Variants in NUP85 observed in about 807,000 individuals in gnomAD.
NUP85 encodes nucleoporin 85.
A neutral mutation model predicts 92.8 loss-of-function variants in NUP85; 23 were observed. The observed-to-expected ratio is 0.25, with a 90% CI of 0.18 to 0.35. The LOEUF (loss-of-function observed/expected upper bound fraction) is 0.35, where lower values mean the gene tolerates loss of function less well. Ranked by LOEUF, NUP85 falls within the 10% of genes least tolerant of loss-of-function variation. NUP85 has a pLI of 1.00. For missense variants in NUP85, 759 were observed against 822.8 expected, an observed-to-expected ratio of 0.92 and a Z score of 0.95; for synonymous variants, 314 against 306.9, an observed-to-expected ratio of 1.02 and a Z score of -0.24.
rs539994325 is a variant in NUP85, at chr17:75,235,704, G to A, written c.*25G>A. ...AGAACTGCTTCAATGTGGTATCTTT[G>A]TATGGCAATGTATATAGATTTTTTT... On this transcript the variant is annotated 3_prime_UTR_variant, in exon 19 of 19. Transcript: ENST00000245544. 2.0e-5 allele frequency: 29 copies of A among 1,453,658 alleles called. No individual in the cohort carries two copies. In the South Asian group the frequency reaches 3.4e-4, roughly 17 times the overall value. 90.0% of individuals were successfully genotyped at this position (1,453,658 alleles called of 1,614,324 possible).
chr17:75,235,401 T>C (rs1239725225), intron 18 of NUP85, 177 bp from the exon 19 acceptor site: 2 of 617,330 alleles, frequency 3.2e-6, no homozygotes, highest in Non-Finnish European at 5.7e-6. Context: ...CATTTTGTTC[T>C]TTGCTGTTCA....
chr17:75,207,181 C>A (rs536833981), intron 1 of NUP85, among the ~76,000 whole-genome samples: 1 of 151,252 alleles, frequency 6.6e-6, no homozygotes, highest in East Asian at 2.0e-4. Context: ...AGATATGTGG[C>A]CTTCTTTTTT....
chr17:75,223,762 T>C (rs980915650), intron 7 of NUP85, among the ~76,000 whole-genome samples: 3 of 152,178 alleles, frequency 2.0e-5, no homozygotes, highest in African/African-American at 4.8e-5. Context: ...CATTCTGATA[T>C]TTTATATTAT....
At chr17:75,220,919 T>C in intron 7 of NUP85, among the ~76,000 whole-genome samples, 1 of 148,010 alleles carries the variant, frequency 6.8e-6, no homozygotes, top group Admixed American at 6.8e-5. Flanking sequence ...TCTCGCTCTA[T>C]TGCCCAGGCT....
intron 7 of NUP85, among the ~76,000 whole-genome samples, chr17:75,218,644 T>C (rs1050409829): frequency 1.5e-5 from 2 of 133,830 alleles, no homozygotes; most frequent in African/African-American, 5.5e-5. Context: ...GGCTCATGCC[T>C]GTAATTCCAG....
intron 9 of NUP85, 81 bp from the exon 10 acceptor site, chr17:75,225,617 G>T: frequency 6.3e-7 from 1 of 1,586,780 alleles, no homozygotes; most frequent in South Asian, 1.2e-5. Flanking sequence ...GAAATCCGGT[G>T]CCCTTAGCTG....
chr17:75,225,243 T>C lies in NUP85; in HGVS notation c.732+6T>C, dbSNP rs765966099. On this transcript the variant is annotated splice_donor_region_variant and intron_variant, in intron 8 of 18. Transcript: ENST00000245544. ...GGACAATGCCCATTCTTAGTGTACG[T>C]GGGGGTAGCTTTGCTCTGCTGGGTC... is the stretch of plus-strand genomic sequence containing the variant. The C allele has an allele frequency of 1.9e-6, 3 of 1,604,408 alleles. No homozygotes were observed. In the African/African-American group the frequency reaches 4.0e-5, roughly 21 times the overall value.
chr17:75,234,638 A>C lies in NUP85; in HGVS notation c.1617A>C (p.Gly539=). Residue 539 remains glycine, a splice_region_variant and synonymous_variant, in exon 17 of 19, where the codon GGA becomes GGC. Transcript: ENST00000245544. ...MMLSDRLTFL[G]KYREFHRMYG... The stretch of plus-strand genomic sequence containing the variant: ...CTCAGTGCTCTTGTTTCGCCATAGG[A>C]AAGTATCGCGAGTTCCACCGTATGT... The C allele has an allele frequency of 1.9e-6, 3 of 1,613,970 alleles. No individual in the cohort carries two copies. Among genetic ancestry groups the C allele is most frequent in the Non-Finnish European group, 2.5e-6 (3 of 1,179,876 alleles).
Position 75,213,092 on chromosome 17 carries a change from A to G in NUP85, c.378A>G (p.Pro126=). 1 of 1,613,614 alleles carries G rather than the reference A, an allele frequency of 6.2e-7. No homozygotes were observed. Among genetic ancestry groups the G allele is most frequent in the East Asian group, 2.2e-5 (1 of 44,876 alleles). The change falls in exon 5 of 19, where the codon CCA becomes CCG. Residue 126 remains proline (P), a synonymous_variant. Coordinates refer to ENST00000245544, the MANE Select transcript of NUP85 (RefSeq NM_024844.5). ...MHQVAIAAKD[P]ANGRQFSSQV... ...TTTTGTTAGTTGCTGCTAAAGATCC[A>G]GCCAATGGCCGCCAGTTCAGCAGCC...
chr17:75,231,431 GCCGGGAGGCACCGATCCT>G lies in NUP85; in HGVS notation c.1178+11_1178+28del, dbSNP rs765737247. 1 of 1,614,150 alleles carries G rather than the reference GCCGGGAGGCACCGATCCT, an allele frequency of 6.2e-7. No individual in the cohort carries two copies. Among genetic ancestry groups the G allele is most frequent in the South Asian group, 1.1e-5 (1 of 91,086 alleles). On this transcript the variant is annotated intron_variant, in intron 12 of 18. Coordinates refer to ENST00000245544, the MANE Select transcript of NUP85 (RefSeq NM_024844.5). This position sits in a 1 kb window ranked among gnomAD's most constrained non-coding sequence, Gnocchi z 4.6. ...CCAGTCACACAACCTCTAGTAAGTGGCCGGGAGGCACCGATCCTCCTCTTCTTACCACCAGGCCCCCGA... is the reference window on the plus strand; with the variant it reads ...CCAGTCACACAACCTCTAGTAAGTGGCCTCTTCTTACCACCAGGCCCCCGA...
At chr17:75,210,937 G>A (rs995533534) in intron 3 of NUP85, among the ~76,000 whole-genome samples, 3 of 150,564 alleles carry the variant, frequency 2.0e-5, no homozygotes, top group East Asian at 3.9e-4. Flanking sequence ...TCGTGACCTC[G>A]TGATCCACCT....
chr17:75,230,077 CCT>C (rs1400723378), intron 11 of NUP85, among the ~76,000 whole-genome samples: 1 of 146,222 alleles, frequency 6.8e-6, no homozygotes, highest in Non-Finnish European at 1.5e-5. Context: ...AGAGTCTTGC[CCT>C]GTCACTCAGG....
intron 5 of NUP85, among the ~76,000 whole-genome samples, chr17:75,213,550 C>G (rs1026130962): frequency 6.6e-6 from 1 of 152,072 alleles, no homozygotes; most frequent in African/African-American, 2.4e-5. Context: ...GCCTCGACCT[C>G]CCAAAGTGGT....
Position 75,235,560 on chromosome 17 carries a change from G to T in NUP85, c.1870-18G>T, listed in dbSNP as rs1205799946. ...TCCTTCCTGCTCTTAGCTCATGCTG[G>T]CGCTCTCTGCTTTGCAGGATGATGA... On this transcript the variant is annotated intron_variant, in intron 18 of 18. Coordinates refer to ENST00000245544, the MANE Select transcript of NUP85 (RefSeq NM_024844.5). 3 of 1,590,392 alleles carry T rather than the reference G, an allele frequency of 1.9e-6. No individual in the cohort carries two copies. Among genetic ancestry groups the T allele is most frequent in the Non-Finnish European group, 2.6e-6 (3 of 1,158,704 alleles).
chr17:75,210,265 G>T (rs550882077), intron 3 of NUP85, among the ~76,000 whole-genome samples: 118 of 152,290 alleles, frequency 7.7e-4, no homozygotes, highest in African/African-American at 2.8e-3. Context: ...AAGCATGTGA[G>T]AGTCGTTGAA....
In NUP85 at chr17:75,225,419, G is replaced by A. The variant is rs773708577; in HGVS notation, c.810G>A (p.Gln270=). ...ACGAGGAATGTGAGCGGTACCTCCAGGACAGCACATTCGCCACCAGCCCTC... is the reference window on the plus strand; with the variant it reads ...ACGAGGAATGTGAGCGGTACCTCCAAGACAGCACATTCGCCACCAGCCCTC... ...HWHEECERYL[Q]DSTFATSPHL... Residue 270 remains glutamine, a synonymous_variant, in exon 9 of 19, where the codon CAG becomes CAA. Transcript: ENST00000245544. 1 of 1,614,140 alleles carries A rather than the reference G, an allele frequency of 6.2e-7. No individual in the cohort carries two copies. The highest frequency in any genetic ancestry group is 1.1e-5 in the South Asian group (1 of 91,082).
In NUP85 at chr17:75,231,688, G is replaced by T. The variant is rs373981140; in HGVS notation, c.1244+50G>T. ...GCTATGCGGGTGCTCTTCAGCATGC[G>T]GGTGCCATTGGAGCTTGGACTGTTC... On this transcript the variant is annotated intron_variant, in intron 13 of 18. Coordinates refer to ENST00000245544, the MANE Select transcript of NUP85 (RefSeq NM_024844.5). The surrounding 1 kb of genome is among the most constrained non-coding windows in gnomAD (Gnocchi z 4.6). 8.7e-6 allele frequency: 14 copies of T among 1,606,708 alleles called. No homozygotes were observed. The highest frequency in any genetic ancestry group is 2.7e-5 in the African/African-American group (2 of 74,822).
chr17:75,234,497 CAG>C (rs961856984), intron 16 of NUP85, 138 bp from the exon 17 acceptor site: 5 of 782,790 alleles, frequency 6.4e-6, no homozygotes, highest in African/African-American at 5.2e-5. Context: ...AGTTTGGAGA[CAG>C]AAAAAAATCT....
intron 11 of NUP85, 110 bp downstream of exon 11, chr17:75,226,267 CTA>C: frequency 1.3e-6 from 1 of 759,936 alleles, no homozygotes; most frequent in African/African-American, 1.7e-5. Flanking sequence ...CTCAGACCTG[CTA>C]TCTTAGTCCA....
Sources: gnomAD v4.1 joint callset for allele counts (sites outside exome capture counted in the v4.1 genomes callset) on GRCh38, gnomAD v4.1.1 for gene constraint, Gnocchi (gnomAD v3.1) non-coding constraint, MANE v1.5 for transcripts, NCBI Gene and HGNC (gene_info 2026-07-23, HGNC 2026-07-21) for gene names.